Variants in RNF13 observed in about 807,000 individuals in gnomAD.
RNF13 encodes the protein E3 ubiquitin-protein ligase RNF13.
RNF13 carries 19 observed loss-of-function variants against 37.7 expected under a neutral mutation model. That is an observed-to-expected ratio of 0.50 (90% CI 0.35 to 0.74). The LOEUF is 0.74. Ranked by LOEUF, RNF13 falls within the 30% of genes least tolerant of loss-of-function variation. RNF13 has a pLI of 0.01. For missense variants in RNF13, 375 were observed against 453.0 expected, an observed-to-expected ratio of 0.83 and a Z score of 1.56; for synonymous variants, 144 against 157.8, an observed-to-expected ratio of 0.91 and a Z score of 0.65.
chr3:149,843,195 A>G (rs1372866193), intron 1 of RNF13, among the ~76,000 whole-genome samples: 2 of 152,208 alleles, frequency 1.3e-5, no homozygotes, highest in East Asian at 3.8e-4. Flanking sequence ...TAAGCAATCT[A>G]GAGATGTTTT....
intron 7 of RNF13, chr3:149,917,331 G>C (rs1440465218): frequency 2.0e-5 from 3 of 152,180 alleles, no homozygotes; most frequent in Admixed American, 1.3e-4. Flanking sequence ...TATCTAAGTG[G>C]CTAAGGCAAC....
chr3:149,927,978 TTATGA>T (rs1262212779), intron 8 of RNF13, among the ~76,000 whole-genome samples: 3 of 151,686 alleles, frequency 2.0e-5, no homozygotes, highest in African/African-American at 7.3e-5. Context: ...CTTTTTTTGC[TTATGA>T]TATGAAGCAT....
chr3:149,960,964 A>G lies in RNF13; in HGVS notation c.1006A>G (p.Thr336Ala). Reference protein sequence around the residue: ...LSESRSHQNMTESSDYEEDDN... With the variant: ...LSESRSHQNMAESSDYEEDDN... ...GGAATCCCGCTCACATCAGAACATG[A>G]CAGAATCTTCAGACTATGAGGAAGA... The change falls in exon 10 of 10, where the codon ACA becomes GCA. Residue 336 changes from threonine to alanine, a missense_variant. Coordinates refer to ENST00000392894, the MANE Select transcript of RNF13 (RefSeq NM_183381.3). 1 of 1,614,236 alleles carries G rather than the reference A, an allele frequency of 6.2e-7. No individual in the cohort carries two copies. The highest frequency in any genetic ancestry group is 8.5e-7 in the Non-Finnish European group (1 of 1,180,040).
intron 3 of RNF13, among the ~76,000 whole-genome samples, chr3:149,862,735 C>T (rs1168255330): frequency 6.6e-6 from 1 of 151,798 alleles, no homozygotes; most frequent in Non-Finnish European, 1.5e-5. Context: ...AATATGTCTC[C>T]TTGTATATAT....
chr3:149,938,408 G>A (rs1339349577), intron 8 of RNF13, among the ~76,000 whole-genome samples: 2 of 151,608 alleles, frequency 1.3e-5, no homozygotes, highest in Non-Finnish European at 2.9e-5. Flanking sequence ...TCGAACTCCT[G>A]ACCTCAAGTG....
chr3:149,823,137 A>G (rs1720156709), intron 1 of RNF13, among the ~76,000 whole-genome samples: 1 of 152,116 alleles, frequency 6.6e-6, no homozygotes, highest in African/African-American at 2.4e-5. Context: ...CAAGTAACTG[A>G]ACACTTAAAA....
chr3:149,881,437 T>G (rs1713387881), intron 4 of RNF13, among the ~76,000 whole-genome samples: 1 of 152,092 alleles, frequency 6.6e-6, no homozygotes, highest in Non-Finnish European at 1.5e-5. Flanking sequence ...TTCAAATGAT[T>G]CTCCTGCCCT....
intron 4 of RNF13, among the ~76,000 whole-genome samples, chr3:149,886,357 A>G (rs1407283206): frequency 6.6e-6 from 1 of 152,172 alleles, no homozygotes; most frequent in Non-Finnish European, 1.5e-5. Context: ...CTTCCAATCT[A>G]TGAACATGGA....
intron 8 of RNF13, among the ~76,000 whole-genome samples, chr3:149,948,533 A>G (rs1721001278): frequency 6.6e-6 from 1 of 151,984 alleles, no homozygotes; most frequent in South Asian, 2.1e-4. Flanking sequence ...TACCCTTGCA[A>G]TTCCATAAAA....
At position 149,871,596 on chromosome 3, in the gene RNF13, A is replaced by G. The variant is rs1210860177; in HGVS notation, c.196-433A>G. 4.0e-5 allele frequency among the ~76,000 whole-genome samples: 6 copies of G among 151,794 alleles called. 1 individual carries two copies. The highest frequency in any genetic ancestry group is 8.8e-5 in the Non-Finnish European group (6 of 67,992). On this transcript the variant is annotated intron_variant, in intron 3 of 9. Transcript: ENST00000392894. ...AATGTACCAATGACTGTCTTTCCAC[A>G]TACACCTTACATACTCAGGCTAGCA... is the stretch of plus-strand genomic sequence containing the variant.
chr3:149,846,174 C>CATGAAAGAA, intron 2 of RNF13, 34 bp downstream of exon 2: 1 of 1,347,342 alleles, frequency 7.4e-7, no homozygotes, highest in African/African-American at 1.5e-5. Flanking sequence ...TGTCTAGAAA[C>CATGAAAGAA]ATCCCTTAAA....
chr3:149,958,282 C>T (rs1722054805), intron 8 of RNF13, among the ~76,000 whole-genome samples: 1 of 152,194 alleles, frequency 6.6e-6, no homozygotes, highest in South Asian at 2.1e-4. Flanking sequence ...GTGTTCCTTT[C>T]TGGAGGTTCC....
At chr3:149,873,854 CACTT>C (rs1209744610) in intron 4 of RNF13, among the ~76,000 whole-genome samples, 5 of 152,062 alleles carry the variant, frequency 3.3e-5, no homozygotes, top group African/African-American at 1.2e-4. Flanking sequence ...ATATATATCT[CACTT>C]ATTTGTGAAT....
chr3:149,890,081 T>A (rs920183698), intron 4 of RNF13, among the ~76,000 whole-genome samples: 1 of 152,220 alleles, frequency 6.6e-6, no homozygotes, highest in Non-Finnish European at 1.5e-5. Flanking sequence ...TACTTTCCTA[T>A]CAAAACAAAG....
intron 7 of RNF13, among the ~76,000 whole-genome samples, chr3:149,918,381 G>A (rs1051095604): frequency 2.0e-5 from 3 of 152,084 alleles, no homozygotes; most frequent in Admixed American, 6.6e-5. Context: ...GTGAATGTAT[G>A]TATTTCACTA....
chr3:149,888,862 G>A (rs1714337600), intron 4 of RNF13, among the ~76,000 whole-genome samples: 2 of 152,174 alleles, frequency 1.3e-5, no homozygotes, highest in East Asian at 1.9e-4. Context: ...AAGTTAAAGA[G>A]GATTGAAGAT....
rs1047475557 is a variant in RNF13 at position 149,837,921 on chromosome 3, C to T, written c.-16-8090C>T. On this transcript the variant is annotated intron_variant, in intron 1 of 9. Transcript: ENST00000392894. Reference sequence around the variant, plus strand: ...AAGGCAAGTTCCTTCTGCCTATGTGCCTGTAAAATCAAAAGCCAATCAGTC... The same window carrying T: ...AAGGCAAGTTCCTTCTGCCTATGTGTCTGTAAAATCAAAAGCCAATCAGTC... 3.9e-5 allele frequency among the ~76,000 whole-genome samples: 6 copies of T among 152,272 alleles called. No individual in the cohort carries two copies. In the South Asian group the frequency reaches 1.2e-3, roughly 32 times the overall value.
At chr3:149,948,568 T>C (rs1721003959) in intron 8 of RNF13, among the ~76,000 whole-genome samples, 1 of 152,240 alleles carries the variant, frequency 6.6e-6, no homozygotes, top group Admixed American at 6.5e-5. Context: ...TAACAATCTG[T>C]TTTAAACTGA....
intron 8 of RNF13, among the ~76,000 whole-genome samples, chr3:149,945,368 T>TG (rs913447022): frequency 2.7e-5 from 4 of 150,646 alleles, no homozygotes; most frequent in African/African-American, 9.8e-5. Context: ...GGCTGGGGGG[T>TG]GGGGGGTGCC....
Sources: allele counts gnomAD v4.1 joint callset (sites outside exome capture counted in the v4.1 genomes callset), GRCh38; gene constraint gnomAD v4.1.1; transcripts MANE v1.5; gene names NCBI Gene and HGNC (gene_info 2026-07-23, HGNC 2026-07-21).